The following PNLIPRP1 variants were observed in gnomAD, a reference collection of about 807,000 sequenced individuals.
The protein encoded by PNLIPRP1 is inactive pancreatic lipase-related protein 1.
Under a neutral mutation model 54.6 loss-of-function variants are expected in PNLIPRP1, and 57 were observed. The observed-to-expected ratio is 1.04, with a 90% confidence interval of 0.84 to 1.30. The LOEUF (loss-of-function observed/expected upper bound fraction) is 1.30, where lower values mean the gene tolerates loss of function less well. Ranked by LOEUF, PNLIPRP1 falls within the 50% of genes most tolerant of loss-of-function variation. The pLI, the probability that PNLIPRP1 is intolerant of heterozygous loss-of-function variation, is 0.00. For synonymous variants in PNLIPRP1, 232 were observed against 208.8 expected, an observed-to-expected ratio of 1.11 and a Z score of -0.96; for missense variants, 567 against 568.5, an observed-to-expected ratio of 1.00 and a Z score of 0.03.
rs782638666 is a variant in PNLIPRP1, at chr10:116,600,181, GC to G, written c.933+18del. On this transcript the variant is annotated intron_variant, in intron 9 of 12. Coordinates refer to ENST00000358834, the MANE Select transcript of PNLIPRP1 (RefSeq NM_006229.4). Reference sequence around the variant, plus strand: ...CTTTGAGTCTGTAAGCTATTGTCCTGCCTCGAGCAACAAGCATCACCCCTCT... The same window carrying G: ...CTTTGAGTCTGTAAGCTATTGTCCTGCTCGAGCAACAAGCATCACCCCTCT... 6.5e-7 allele frequency: 1 copy of G among 1,528,612 alleles called. No individual in the cohort carries two copies. The highest frequency in any genetic ancestry group is 1.4e-5 in the African/African-American group (1 of 73,434). The allele number at this position is 1,528,612 out of a possible 1,614,324, so 94.7% of individuals were successfully genotyped here.
At chr10:116,591,438 G>C (rs1017913721) in intron 2 of PNLIPRP1, among the ~76,000 whole-genome samples, 42 of 152,220 alleles carry the variant, frequency 2.8e-4, no homozygotes, top group Non-Finnish European at 5.4e-4. Flanking sequence ...ATCTGCCTGA[G>C]TTAACATATT....
intron 3 of PNLIPRP1, 89 bp downstream of exon 3, chr10:116,592,014 T>C (rs1554863274): frequency 2.9e-6 from 4 of 1,402,294 alleles, no homozygotes; most frequent in Non-Finnish European, 4.0e-6. Context: ...CTGTGCCCTC[T>C]TCCTCCACCA....
At chr10:116,594,682 T>A in intron 4 of PNLIPRP1, 48 bp from the exon 5 acceptor site, 4 of 1,609,602 alleles carry the variant, frequency 2.5e-6, no homozygotes, top group African/African-American at 1.3e-5. Flanking sequence ...GGATAAGGTT[T>A]CCCCTGCTCC....
intron 4 of PNLIPRP1, chr10:116,592,780 C>T (rs781930880): frequency 7.0e-6 from 4 of 568,724 alleles, no homozygotes; most frequent in South Asian, 5.1e-5. Context: ...TAAACCAAGG[C>T]CTGATGTTTT....
chr10:116,596,475 C>T (rs1847740153), intron 6 of PNLIPRP1, among the ~76,000 whole-genome samples, 153 bp downstream of exon 6: 1 of 152,124 alleles, frequency 6.6e-6, no homozygotes, highest in African/African-American at 2.4e-5. Context: ...TTTTAGGGAG[C>T]CCCCAAGAAG....
At position 116,604,075 on chromosome 10, in the gene PNLIPRP1, C is replaced by A. The variant is rs1847895153; in HGVS notation, c.1109C>A (p.Thr370Asn). 1.9e-6 allele frequency: 3 copies of A among 1,613,756 alleles called. No individual in the cohort carries two copies. The highest frequency in any genetic ancestry group is 2.5e-6 in the Non-Finnish European group (3 of 1,179,736). ...ATCACACTGTCTGGAAGAACAGCCA[C>A]TGGTCAGATCAAAGTTGCTTTGTTT... Reference protein sequence around the residue: ...VSITLSGRTATGQIKVALFGN... With the variant: ...VSITLSGRTANGQIKVALFGN... The change falls in exon 11 of 13, where the codon ACT (threonine) becomes AAT (asparagine). Residue 370 changes from threonine (T) to asparagine (N), a missense_variant. Physicochemically the swap from Thr to Asn is moderately conservative, Grantham distance 65. Coordinates refer to ENST00000358834, the MANE Select transcript of PNLIPRP1 (RefSeq NM_006229.4).
chr10:116,607,923 C>T (rs954396946), intron 12 of PNLIPRP1, among the ~76,000 whole-genome samples: 2 of 152,166 alleles, frequency 1.3e-5, no homozygotes, highest in African/African-American at 4.8e-5. Flanking sequence ...GGCATGATCT[C>T]AGCTCCACTG....
At chr10:116,595,134 A>G (rs1042721740) in intron 5 of PNLIPRP1, 1 of 424,714 alleles carries the variant, frequency 2.4e-6, no homozygotes, top group Non-Finnish European at 4.3e-6. Context: ...GTTTGCTCCC[A>G]AAGTCATAAA....
rs372149598 is a variant in PNLIPRP1 at position 116,605,603 on chromosome 10, T to C, written c.1340+50T>C. On this transcript the variant is annotated intron_variant, in intron 12 of 12. Transcript: ENST00000358834. The stretch of plus-strand genomic sequence containing the variant: ...CTAAAAATGTTTGCAGAGATTCATG[T>C]TATAATGAAAACCCACCCTAGAAAG... 5 of 1,359,766 alleles carry C rather than the reference T, an allele frequency of 3.7e-6. No homozygotes were observed. In the African/African-American group the frequency reaches 7.2e-5, roughly 20 times the overall value. 84.2% of individuals were successfully genotyped at this position (1,359,766 alleles called of 1,614,324 possible).
intron 4 of PNLIPRP1, chr10:116,593,325 A>C (rs1242739879): frequency 6.6e-6 from 1 of 152,360 alleles, no homozygotes; most frequent in Middle Eastern, 3.2e-3. Flanking sequence ...ACTTGTGCAT[A>C]CACACACAAA....
At position 116,598,057 on chromosome 10, in the gene PNLIPRP1, G is replaced by C; in HGVS notation, c.705G>C (p.Thr235=). ...TTCTAAGCATTTCAGGTTTTGGAAC[G>C]AACCAACAGATGGGTCATCTTGACT... ...APLIPFLGFG[T]NQQMGHLDFF... The change falls in exon 8 of 13, where the codon ACG becomes ACC. Residue 235 remains threonine, a synonymous_variant. Coordinates refer to ENST00000358834, the MANE Select transcript of PNLIPRP1 (RefSeq NM_006229.4). 1 of 1,614,050 alleles carries C rather than the reference G, an allele frequency of 6.2e-7. No homozygotes were observed. Among genetic ancestry groups the C allele is most frequent in the Non-Finnish European group, 8.5e-7 (1 of 1,180,002 alleles).
intron 6 of PNLIPRP1, among the ~76,000 whole-genome samples, chr10:116,596,932 C>A (rs1408667342): frequency 6.6e-6 from 1 of 152,110 alleles, no homozygotes; most frequent in Non-Finnish European, 1.5e-5. Context: ...ATCCCAAATA[C>A]TGCACAAAAT....
Position 116,604,034 on chromosome 10 carries a change from G to A in PNLIPRP1, c.1068G>A (p.Trp356Ter). Residue 356 changes from tryptophan (W) to a stop codon, truncating the protein, a stop_gained, in exon 11 of 13, where the codon TGG becomes TGA. Coordinates refer to ENST00000358834, the MANE Select transcript of PNLIPRP1 (RefSeq NM_006229.4). LOFTEE classifies it high-confidence loss of function. ...NTGEASNFARWRYGVSITLSG... is the reference protein window; with the variant it reads ...NTGEASNFAR ...ACTCTTCCATCTCCTGTGCAGGCTG[G>A]AGATATGGGGTTTCCATCACACTGT... 1 of 1,607,794 alleles carries A rather than the reference G, an allele frequency of 6.2e-7. No homozygotes were observed. Among genetic ancestry groups the A allele is most frequent in the Non-Finnish European group, 8.5e-7 (1 of 1,175,150 alleles).
rs77317295 is a variant in PNLIPRP1 at position 116,597,668 on chromosome 10, T to C, written c.575-160T>C. Among the ~76,000 whole-genome samples the C allele has an allele frequency of 2.6e-3, 403 of 152,356 alleles. 1 individual carries two copies. The highest frequency in any genetic ancestry group is 9.4e-3 in the African/African-American group (389 of 41,596). On this transcript the variant is annotated intron_variant, in intron 6 of 12. Transcript: ENST00000358834. ...TTTGCAATGAGCCACATTCAGACTC[T>C]ATGTCCTCATATTTAGCACCCAAGG...
At position 116,605,633 on chromosome 10, in the gene PNLIPRP1, G is replaced by A. The variant is rs550321995; in HGVS notation, c.1340+80G>A. On this transcript the variant is annotated intron_variant, in intron 12 of 12. Coordinates refer to ENST00000358834, the MANE Select transcript of PNLIPRP1 (RefSeq NM_006229.4). Reference sequence around the variant, plus strand: ...ATGAAAACCCACCCTAGAAAGTTACGTGTAGTTAAGCAAGAAAAGCCAAGA... The same window carrying A: ...ATGAAAACCCACCCTAGAAAGTTACATGTAGTTAAGCAAGAAAAGCCAAGA... The A allele has an allele frequency of 3.7e-5, 40 of 1,090,008 alleles. 1 individual carries two copies. Among genetic ancestry groups the A allele is most frequent in the South Asian group, 1.8e-4 (8 of 45,532 alleles). 67.5% of individuals were successfully genotyped at this position (1,090,008 alleles called of 1,614,324 possible). A position where few individuals can be genotyped will look rare whatever the true frequency, so the allele number is the denominator to read the frequency against.
At chr10:116,596,021 G>T (rs1847728824) in intron 5 of PNLIPRP1, 193 bp from the exon 6 acceptor site, 1 of 564,848 alleles carries the variant, frequency 1.8e-6, no homozygotes, top group Admixed American at 3.2e-5. Context: ...TCAACAAAGG[G>T]TTTGGCTGAA....
At chr10:116,603,630 C>T (rs971478679) in intron 10 of PNLIPRP1, among the ~76,000 whole-genome samples, 3 of 152,136 alleles carry the variant, frequency 2.0e-5, no homozygotes, top group Non-Finnish European at 2.9e-5. Context: ...TGGTGGCTCA[C>T]GCCTGTATTC....
chr10:116,607,859 G>A (rs1564741848), intron 12 of PNLIPRP1, among the ~76,000 whole-genome samples: 1 of 152,124 alleles, frequency 6.6e-6, no homozygotes, highest in Admixed American at 6.5e-5. Flanking sequence ...CTCAACAGTC[G>A]TGGGAGAATG....
In PNLIPRP1 at chr10:116,609,069, G is replaced by C. The variant is rs1554865955; in HGVS notation, c.1357G>C (p.Glu453Gln). Residue 453 changes from glutamate (E) to glutamine (Q), a missense_variant, in exon 13 of 13, where the codon GAA (glutamate) becomes CAA (glutamine). Transcript: ENST00000358834. The stretch of plus-strand genomic sequence containing the variant: ...TCTCCCCAGGTACAACTTCTGTAGC[G>C]AAGACACAGTGCGGGAAGACACGCT... Reference protein sequence around the residue: ...EEKTVYNFCSEDTVREDTLLT... With the variant: ...EEKTVYNFCSQDTVREDTLLT... 2 of 1,613,280 alleles carry C rather than the reference G, an allele frequency of 1.2e-6. No homozygotes were observed. The highest frequency in any genetic ancestry group is 1.7e-4 in the Middle Eastern group (1 of 6,060).
Sources: allele counts gnomAD v4.1 joint callset (sites outside exome capture counted in the v4.1 genomes callset), GRCh38; gene constraint gnomAD v4.1.1; transcripts MANE v1.5; gene names NCBI Gene and HGNC (gene_info 2026-07-23, HGNC 2026-07-21).